Variants in ESCO1 observed in about 807,000 individuals in gnomAD.
ESCO1 encodes the protein N-acetyltransferase ESCO1.
A neutral mutation model predicts 83.5 loss-of-function variants in ESCO1; 33 were observed. The observed-to-expected ratio is 0.40, with a 90% CI of 0.30 to 0.53. The LOEUF (loss-of-function observed/expected upper bound fraction) is 0.53, where lower values mean the gene tolerates loss of function less well. Among genes scored for constraint, ESCO1 ranks in the 20% least tolerant of loss-of-function variants. The probability of loss-of-function intolerance (pLI) is 0.63; values close to 1 mark genes in which losing one functional copy is unlikely to be tolerated. For missense variants in ESCO1, 855 were observed against 968.0 expected, an observed-to-expected ratio of 0.88 and a Z score of 1.55; for synonymous variants, 332 against 324.3, an observed-to-expected ratio of 1.02 and a Z score of -0.25.
chr18:21,591,968 G>C (rs1433165102), intron 1 of ESCO1, among the ~76,000 whole-genome samples: 1 of 151,664 alleles, frequency 6.6e-6, no homozygotes, highest in Non-Finnish European at 1.5e-5. Context: ...ACATGTTTCA[G>C]AGAGCACAGG....
At chr18:21,563,858 G>A (rs2146201198) in intron 7 of ESCO1, among the ~76,000 whole-genome samples, 1 of 151,978 alleles carries the variant, frequency 6.6e-6, no homozygotes, top group South Asian at 2.1e-4. Context: ...GCGTCTTAGA[G>A]GTGAATCCCG....
chr18:21,554,380 G>C (rs1331165590), intron 8 of ESCO1, among the ~76,000 whole-genome samples: 1 of 152,182 alleles, frequency 6.6e-6, no homozygotes, highest in African/African-American at 2.4e-5. Context: ...AAGCAACCAA[G>C]ACATCCTGCA....
At chr18:21,550,977 T>C (rs1472422326) in intron 8 of ESCO1, among the ~76,000 whole-genome samples, 3 of 151,688 alleles carry the variant, frequency 2.0e-5, no homozygotes, top group Non-Finnish European at 1.5e-5. Context: ...CCGGGCATGG[T>C]GGCAGGAGCC....
Position 21,574,641 on chromosome 18 carries a change from G to C in ESCO1, c.203C>G (p.Thr68Arg), listed in dbSNP as rs1568107377. ...ATTAGATGCTGCCTTTGATGACCTT[G>C]TACTCATGCGTGTTTCCAATTCTGG... is the stretch of plus-strand genomic sequence containing the variant. ...NQPELETRMS[T>R]RSSKAASNDK... Residue 68 changes from threonine (T) to arginine (R), a missense_variant, in exon 4 of 12, where the codon ACA (threonine) becomes AGA (arginine). Around this residue, in one of 2 missense-constraint regions of ESCO1, gnomAD observed 726 missense variants for 699.5 expected, o/e 1.04. Coordinates refer to ENST00000269214, the MANE Select transcript of ESCO1 (RefSeq NM_052911.3). 6.2e-7 allele frequency: 1 copy of C among 1,613,848 alleles called. No individual in the cohort carries two copies. The highest frequency in any genetic ancestry group is 8.5e-7 in the Non-Finnish European group (1 of 1,179,988).
chr18:21,540,778 G>A, intron 8 of ESCO1: 3 of 1,117,054 alleles, frequency 2.7e-6, no homozygotes, highest in South Asian at 2.1e-5. Context: ...AAAACTAGGA[G>A]CTTTGAAGTT....
intron 2 of ESCO1, among the ~76,000 whole-genome samples, chr18:21,577,161 C>T (rs1477902005): frequency 6.6e-6 from 1 of 151,726 alleles, no homozygotes; most frequent in African/African-American, 2.4e-5. Context: ...TCAAGACTAG[C>T]CTGGCCAACA....
intron 7 of ESCO1, among the ~76,000 whole-genome samples, chr18:21,562,554 T>C (rs1169661370): frequency 6.6e-6 from 1 of 151,732 alleles, no homozygotes; most frequent in Non-Finnish European, 1.5e-5. Flanking sequence ...GGTGAGAGGA[T>C]CACTTGAGGC....
intron 9 of ESCO1, among the ~76,000 whole-genome samples, chr18:21,538,309 A>T (rs980648721): frequency 5.4e-5 from 8 of 147,914 alleles, no homozygotes; most frequent in Admixed American, 4.7e-4. Context: ...AAAAAAAAAA[A>T]GTTATAATTG....
intron 1 of ESCO1, among the ~76,000 whole-genome samples, chr18:21,589,409 TTTTC>T (rs36165369): frequency 0.48 from 72,905 of 151,404 alleles, 20,918 homozygotes; most frequent in Non-Finnish European, 0.65. Flanking sequence ...TTTTTTACTT[TTTTC>T]TTTGTTATTT....
At position 21,574,975 on chromosome 18, in the gene ESCO1, T is replaced by C. The variant is rs1010282423; in HGVS notation, c.-132A>G. ...AAATCAACTTTAACTGATGCTGATA[T>C]ACATTTTCAACAAAAATACTAGTTT... On this transcript the variant is annotated 5_prime_UTR_variant, in exon 4 of 12. Coordinates refer to ENST00000269214, the MANE Select transcript of ESCO1 (RefSeq NM_052911.3). 3.2e-6 allele frequency: 2 copies of C among 633,762 alleles called. No individual in the cohort carries two copies. The highest frequency in any genetic ancestry group is 1.9e-5 in the African/African-American group (1 of 53,062). 39.3% of individuals were successfully genotyped at this position (633,762 alleles called of 1,614,324 possible). A position where few individuals can be genotyped will look rare whatever the true frequency, so the allele number is the denominator to read the frequency against.
intron 6 of ESCO1, among the ~76,000 whole-genome samples, chr18:21,564,666 G>GA (rs1169594686): frequency 2.0e-5 from 3 of 151,972 alleles, no homozygotes; most frequent in African/African-American, 7.2e-5. Context: ...AAAGTGCTGG[G>GA]ATTACAGGCG....
intron 1 of ESCO1, among the ~76,000 whole-genome samples, chr18:21,589,422 T>A (rs2146230033): frequency 6.6e-6 from 1 of 152,160 alleles, no homozygotes; most frequent in East Asian, 1.9e-4. Flanking sequence ...TCTTTGTTAT[T>A]TATTTATTTA....
In ESCO1 at chr18:21,573,863, T is replaced by C; in HGVS notation, c.981A>G (p.Gln327=). Residue 327 remains glutamine, a synonymous_variant, in exon 4 of 12, where the codon CAA becomes CAG. Coordinates refer to ENST00000269214, the MANE Select transcript of ESCO1 (RefSeq NM_052911.3). ...GCTTTTCTTCCTTTACACTTTCCAT[T>C]TGTGAAGATTCCTTTTTTACCTCTA... ...DNVEVKKESS[Q]MESVKEEKPT... is the part of the protein sequence containing the mutation. 3.7e-6 allele frequency: 6 copies of C among 1,614,070 alleles called. No homozygotes were observed. The highest frequency in any genetic ancestry group is 5.1e-6 in the Non-Finnish European group (6 of 1,180,024).
Position 21,598,777 on chromosome 18 carries a change from T to C in ESCO1, c.-825+1846A>G, listed in dbSNP as rs1471544537. On this transcript the variant is annotated intron_variant, in intron 1 of 11. Coordinates refer to ENST00000269214, the MANE Select transcript of ESCO1 (RefSeq NM_052911.3). ...TTGAGAAAGGTGAGACAATAGCATA[T>C]TTTCCTCAGTTAGCAATGATAAAGG... Among the ~76,000 whole-genome samples the C allele has an allele frequency of 2.0e-5, 3 of 152,064 alleles. No homozygotes were observed. The East Asian group carries it at 5.8e-4, about 29-fold the overall frequency.
At chr18:21,598,733 T>C (rs1260319198) in intron 1 of ESCO1, among the ~76,000 whole-genome samples, 2 of 151,972 alleles carry the variant, frequency 1.3e-5, no homozygotes, top group East Asian at 3.9e-4. Flanking sequence ...ACTTGTTCAC[T>C]ACAGGATTAT....
chr18:21,547,801 T>C (rs2037992713), intron 8 of ESCO1, among the ~76,000 whole-genome samples: 1 of 152,114 alleles, frequency 6.6e-6, no homozygotes, highest in South Asian at 2.1e-4. Flanking sequence ...AAGAAAAATA[T>C]TCATAGAAAA....
At chr18:21,599,433 G>C (rs1350964307) in intron 1 of ESCO1, among the ~76,000 whole-genome samples, 1 of 152,196 alleles carries the variant, frequency 6.6e-6, no homozygotes, top group Admixed American at 6.5e-5. Context: ...AGTGAATATA[G>C]CATAGTTCAC....
intron 8 of ESCO1, among the ~76,000 whole-genome samples, chr18:21,547,110 C>G (rs1383594833): frequency 6.6e-6 from 1 of 152,172 alleles, no homozygotes; most frequent in Non-Finnish European, 1.5e-5. Flanking sequence ...CTTTTCCAAT[C>G]TTTGTCATAT....
chr18:21,592,745 C>A (rs1598481526), intron 1 of ESCO1, among the ~76,000 whole-genome samples: 1 of 149,952 alleles, frequency 6.7e-6, no homozygotes, highest in South Asian at 2.1e-4. Context: ...GGGCTCCTCA[C>A]TTCTCAGACG....
Sources: allele counts gnomAD v4.1 joint callset (sites outside exome capture counted in the v4.1 genomes callset), GRCh38; gene constraint gnomAD v4.1.1; regional missense constraint gnomAD v4.1.1; transcripts MANE v1.5; gene names NCBI Gene and HGNC (gene_info 2026-07-23, HGNC 2026-07-21).